Variants in COL6A2 observed in about 807,000 individuals in gnomAD.
The protein encoded by COL6A2 is collagen alpha-2(VI) chain.
COL6A2 carries 90 observed loss-of-function variants against 124.9 expected under a neutral mutation model. The ratio of observed to expected loss-of-function variants is 0.72; its 90% CI spans 0.61 to 0.86. COL6A2 has a LOEUF of 0.86. Among genes scored for constraint, COL6A2 ranks in the 40% least tolerant of loss-of-function variants. The probability of loss-of-function intolerance (pLI) is 0.00; values close to 1 mark genes in which losing one functional copy is unlikely to be tolerated. For synonymous variants in COL6A2, 793 were observed against 618.2 expected (o/e 1.28, Z -4.19); for missense variants, 1,607 against 1,502.5 (o/e 1.07, Z -1.15).
intron 19 of COL6A2, 96 bp from the exon 20 acceptor site, chr21:46,122,400 C>A: frequency 6.6e-7 from 1 of 1,513,508 alleles, no homozygotes; most frequent in Non-Finnish European, 9.2e-7. Flanking sequence ...TGTGAATGAG[C>A]GAGGGAGGGA....
chr21:46,124,043 G>T (rs1238970848), intron 21 of COL6A2, among the ~76,000 whole-genome samples: 1 of 151,444 alleles, frequency 6.6e-6, no homozygotes, highest in Non-Finnish European at 1.5e-5. Context: ...ACGGACAGTG[G>T]GTGGATGGAT....
At position 46,117,890 on chromosome 21, in the gene COL6A2, C is replaced by G. The variant is rs199929757; in HGVS notation, c.1070C>G (p.Pro357Arg). Residue 357 changes from proline (P) to arginine (R), a missense_variant, in exon 12 of 28, where the codon CCG (proline) becomes CGG (arginine). By Grantham distance (103) the Pro-to-Arg change is moderately radical. This residue lies in a region of COL6A2 where 1,223 missense variants were observed against 1,052.2 expected (regional missense o/e 1.16). Coordinates refer to ENST00000300527, the MANE Select transcript of COL6A2 (RefSeq NM_001849.4). Reference sequence around the variant, plus strand: ...CTCTCTCAGGGCCCCGACGGTTACCCGGGGGAAGCAGGGAGTCCAGGGGAG... The same window carrying G: ...CTCTCTCAGGGCCCCGACGGTTACCGGGGGGAAGCAGGGAGTCCAGGGGAG... ...DPGNRGPDGY[P>R]GEAGSPGERG... is the part of the protein sequence containing the mutation. 1.0e-3 allele frequency: 1,681 copies of G among 1,612,406 alleles called. 3 individuals are homozygous for G. The highest frequency in any genetic ancestry group is 1.7e-3 in the Middle Eastern group (10 of 6,058).
In COL6A2 at chr21:46,112,211, C is replaced by T. The variant is rs773025268; in HGVS notation, c.348C>T (p.Ala116=). 9 of 1,612,956 alleles carry T rather than the reference C, an allele frequency of 5.6e-6. No individual in the cohort carries two copies. Among genetic ancestry groups the T allele is most frequent in the South Asian group, 1.1e-5 (1 of 91,078 alleles). Reference sequence around the variant, plus strand: ...TCAGCCCACCGGGCAGCGACCGGGCCTCCTTCATCAAGAACCTGCAGGGCA... The same window carrying T: ...TCAGCCCACCGGGCAGCGACCGGGCTTCCTTCATCAAGAACCTGCAGGGCA... ...EVFSPPGSDR[A]SFIKNLQGIS... is the part of the protein sequence containing the mutation. Residue 116 remains alanine (A), a synonymous_variant, in exon 3 of 28, where the codon GCC becomes GCT. Transcript: ENST00000300527.
chr21:46,111,905 C>A, intron 2 of COL6A2, 74 bp from the exon 3 acceptor site: 1 of 1,483,144 alleles, frequency 6.7e-7, no homozygotes, highest in Non-Finnish European at 9.3e-7. Context: ...CACAAACAGG[C>A]ACGGGGCCAG....
intron 1 of COL6A2, among the ~76,000 whole-genome samples, chr21:46,101,184 G>A (rs1383141703): frequency 6.6e-6 from 1 of 152,060 alleles, no homozygotes; most frequent in African/African-American, 2.4e-5. Context: ...CTTTTCATGT[G>A]CTTGTTGGCC....
intron 27 of COL6A2, among the ~76,000 whole-genome samples, chr21:46,127,420 C>T (rs1259016817): frequency 2.0e-5 from 3 of 152,126 alleles, no homozygotes; most frequent in East Asian, 1.9e-4. Context: ...GGGGAGGAGC[C>T]GTGGACTCAG....
chr21:46,119,977 T>C, intron 15 of COL6A2, 127 bp downstream of exon 15: 1 of 856,274 alleles, frequency 1.2e-6, no homozygotes, highest in Non-Finnish European at 1.9e-6. Context: ...CAGAGTTCAC[T>C]CTCTGCAGAG....
chr21:46,129,658 T>C (rs1601260753), intron 27 of COL6A2: 5 of 1,423,504 alleles, frequency 3.5e-6, no homozygotes, highest in Non-Finnish European at 4.6e-6. Flanking sequence ...CTTCCCATGC[T>C]GGTGGCCACC....
intron 13 of COL6A2, 144 bp from the exon 14 acceptor site, chr21:46,118,886 C>T (rs1011982422): frequency 4.3e-6 from 4 of 934,058 alleles, no homozygotes; most frequent in Non-Finnish European, 3.4e-6. Context: ...GAACAAGTTC[C>T]AGGGGACCCT....
intron 14 of COL6A2, 76 bp from the exon 15 acceptor site, chr21:46,119,712 G>T: frequency 7.3e-7 from 1 of 1,376,644 alleles, no homozygotes; most frequent in African/African-American, 1.4e-5. Flanking sequence ...CATCGGCCCC[G>T]GCACAGCCCC....
At chr21:46,129,514 G>A in intron 27 of COL6A2, 1 of 1,534,874 alleles carries the variant, frequency 6.5e-7, no homozygotes, top group African/African-American at 1.4e-5. Context: ...CGCCCAGCCG[G>A]GCTGGGCCCT....
intron 2 of COL6A2, 85 bp from the exon 3 acceptor site, chr21:46,111,894 C>T (rs1470893980): frequency 3.5e-6 from 5 of 1,441,280 alleles, no homozygotes; most frequent in Non-Finnish European, 4.8e-6. Context: ...GAGGTCAAAC[C>T]CACAAACAGG....
chr21:46,125,238 A>G (rs758958720), intron 23 of COL6A2, 28 bp from the exon 24 acceptor site: 1 of 1,608,932 alleles, frequency 6.2e-7, no homozygotes, highest in Non-Finnish European at 8.5e-7. Flanking sequence ...CCCCGGGGGG[A>G]CTACCCTGCC....
intron 27 of COL6A2, among the ~76,000 whole-genome samples, chr21:46,131,101 T>G (rs901757893): frequency 7.2e-5 from 11 of 152,190 alleles, no homozygotes; most frequent in African/African-American, 2.7e-4. Flanking sequence ...GGGGTTGGGC[T>G]GAGAAGCAGA....
rs776484751 is a variant in COL6A2, at chr21:46,126,172, T to C, written c.2357T>C (p.Met786Thr). ...GACAAGCCACAGCAGGTGCGCAACA[T>C]GACGCTGTTCTCCGACCTGGTCGCT... is the stretch of plus-strand genomic sequence containing the variant. ...ACDKPQQVRNMTLFSDLVAEK... is the reference protein window; with the variant it reads ...ACDKPQQVRNTTLFSDLVAEK... The change falls in exon 26 of 28, where the codon ATG (methionine) becomes ACG (threonine). Residue 786 changes from methionine to threonine, a missense_variant. Physicochemically the swap from Met to Thr is moderately conservative, Grantham distance 81. Coordinates refer to ENST00000300527, the MANE Select transcript of COL6A2 (RefSeq NM_001849.4). The C allele has an allele frequency of 1.2e-6, 2 of 1,608,436 alleles. No individual in the cohort carries two copies. The highest frequency in any genetic ancestry group is 1.7e-6 in the Non-Finnish European group (2 of 1,179,956).
intron 27 of COL6A2, among the ~76,000 whole-genome samples, chr21:46,131,092 G>A (rs1420934828): frequency 6.6e-6 from 1 of 152,202 alleles, no homozygotes; most frequent in Non-Finnish European, 1.5e-5. Context: ...CGACGTCCAG[G>A]GGTTGGGCTG....
rs2078577323 is a variant in COL6A2 at position 46,122,171 on chromosome 21, C to G, written c.1572+13C>G. The G allele has an allele frequency of 6.2e-7, 1 of 1,612,216 alleles. No homozygotes were observed. The highest frequency in any genetic ancestry group is 8.5e-7 in the Non-Finnish European group (1 of 1,179,760). ...CCGAGGAGCACCCGTGAGTCACAGC[C>G]TGGGATGGCAGCTCCCAGGAGTGGG... On this transcript the variant is annotated intron_variant, in intron 19 of 27. Coordinates refer to ENST00000300527, the MANE Select transcript of COL6A2 (RefSeq NM_001849.4).
intron 5 of COL6A2, 43 bp downstream of exon 5, chr21:46,114,116 G>C: frequency 6.4e-7 from 1 of 1,550,978 alleles, no homozygotes; most frequent in Non-Finnish European, 8.9e-7. Context: ...CTACCAGGAA[G>C]CCCCTGATTT....
chr21:46,128,660 T>C lies in COL6A2; in HGVS notation c.2461+2119T>C, dbSNP rs533287921. On this transcript the variant is annotated intron_variant, in intron 27 of 27. Transcript: ENST00000300527. ...GGCGCAATCAGCGATAAGAGCTGCA[T>C]AGGGGCCACAGCGTAACCTGAGCTC... Among the ~76,000 whole-genome samples the C allele has an allele frequency of 3.7e-4, 56 of 152,300 alleles. 1 individual carries two copies. The highest frequency in any genetic ancestry group is 1.0e-3 in the South Asian group (5 of 4,826).
Sources: gnomAD v4.1 joint callset for allele counts (sites outside exome capture counted in the v4.1 genomes callset) on GRCh38, gnomAD v4.1.1 for gene constraint, gnomAD v4.1.1 regional missense constraint, MANE v1.5 for transcripts, NCBI Gene and HGNC (gene_info 2026-07-23, HGNC 2026-07-21) for gene names.